TIMD4: variants seen among roughly 807,000 people sequenced by gnomAD.
TIMD4 encodes T-cell immunoglobulin and mucin domain-containing protein 4.
A neutral mutation model predicts 41.2 loss-of-function variants in TIMD4; 31 were observed. The ratio of observed to expected loss-of-function variants is 0.75; its 90% CI spans 0.57 to 1.01. The LOEUF (loss-of-function observed/expected upper bound fraction) is 1.01, where lower values mean the gene tolerates loss of function less well. TIMD4 is among the 50% of genes least tolerant of loss of function. TIMD4 has a pLI of 0.00. For missense variants in TIMD4, 479 were observed against 472.5 expected (o/e 1.01, Z -0.13); for synonymous variants, 204 against 177.1 (o/e 1.15, Z -1.21).
chr5:156,936,932 G>GAA (rs979433463), intron 5 of TIMD4, among the ~76,000 whole-genome samples: 45 of 92,604 alleles, frequency 4.9e-4, no homozygotes, highest in African/African-American at 1.3e-3. Context: ...ACTCCGTCTG[G>GAA]AAAAAAAAAA....
intron 2 of TIMD4, 64 bp downstream of exon 2, chr5:156,954,351 A>G: frequency 1.4e-6 from 2 of 1,470,006 alleles, no homozygotes; most frequent in Non-Finnish European, 1.9e-6. Context: ...CCATCCACTG[A>G]TCCCATTGTC....
intron 6 of TIMD4, 142 bp from the exon 7 acceptor site, chr5:156,922,358 C>A: frequency 1.3e-6 from 1 of 759,586 alleles, no homozygotes; most frequent in Non-Finnish European, 2.2e-6. Context: ...CTCTGAAAAC[C>A]CAAAACACGT....
intron 6 of TIMD4, among the ~76,000 whole-genome samples, chr5:156,923,704 A>T (rs1245890029): frequency 2.1e-5 from 3 of 142,454 alleles, no homozygotes; most frequent in African/African-American, 5.2e-5. Context: ...ATGCCTGGCT[A>T]TTTTTTTTTT....
rs139287852 is a variant in TIMD4 at position 156,954,628 on chromosome 5, C to T, written c.187G>A (p.Gly63Ser). ...CWGKDQCPYSGCKEALIRTDG... is the reference protein window; with the variant it reads ...CWGKDQCPYSSCKEALIRTDG... ...GTGCGGATGAGCGCCTCCTTGCAAC[C>T]GGAGTAGGGGCACTGGTCTTTCCCC... Residue 63 changes from glycine (G) to serine (S), a missense_variant, in exon 2 of 9, where the codon GGT becomes AGT. By Grantham distance (56) the Gly-to-Ser change is moderately conservative. Coordinates refer to ENST00000274532, the MANE Select transcript of TIMD4 (RefSeq NM_138379.3). 296 of 1,614,216 alleles carry T rather than the reference C, an allele frequency of 1.8e-4. 1 individual carries two copies. The East Asian group carries it at 6.4e-3, about 35-fold the overall frequency.
intron 5 of TIMD4, among the ~76,000 whole-genome samples, chr5:156,930,026 A>G (rs1759418189): frequency 6.6e-6 from 1 of 152,202 alleles, no homozygotes; most frequent in Non-Finnish European, 1.5e-5. Context: ...GCTGCAGTGC[A>G]GTGGCACGAT....
intron 6 of TIMD4, among the ~76,000 whole-genome samples, chr5:156,925,266 C>T (rs978689002): frequency 2.0e-5 from 3 of 152,192 alleles, no homozygotes; most frequent in Admixed American, 6.5e-5. Context: ...GTCAAGATTG[C>T]ACCACTGCAC....
rs1402165239 is a variant in TIMD4 at position 156,919,551 on chromosome 5, G to C, written c.1053-10C>G. Reference sequence around the variant, plus strand: ...TCCAATGTAGTCTAGCCTGTAAACAGAAAAGAGGGGCTCATAATGGGAAAC... The same window carrying C: ...TCCAATGTAGTCTAGCCTGTAAACACAAAAGAGGGGCTCATAATGGGAAAC... On this transcript the variant is annotated splice_polypyrimidine_tract_variant and intron_variant, in intron 8 of 8. Coordinates refer to ENST00000274532, the MANE Select transcript of TIMD4 (RefSeq NM_138379.3). The C allele has an allele frequency of 1.2e-6, 2 of 1,608,684 alleles. No individual in the cohort carries two copies. The highest frequency in any genetic ancestry group is 2.7e-5 in the African/African-American group (2 of 74,756).
chr5:156,927,499 A>G (rs1759369712), intron 5 of TIMD4, among the ~76,000 whole-genome samples: 1 of 152,230 alleles, frequency 6.6e-6, no homozygotes, highest in Non-Finnish European at 1.5e-5. Flanking sequence ...TCCTGATGGT[A>G]AGTCTCCATT....
intron 4 of TIMD4, among the ~76,000 whole-genome samples, chr5:156,949,386 C>T (rs1394698969): frequency 6.6e-6 from 1 of 151,672 alleles, no homozygotes; most frequent in Non-Finnish European, 1.5e-5. Flanking sequence ...GAGAATTGCA[C>T]CAATCAAGAA....
At chr5:156,955,433 G>C (rs147974290) in intron 1 of TIMD4, among the ~76,000 whole-genome samples, 10 of 152,178 alleles carry the variant, frequency 6.6e-5, no homozygotes, top group African/African-American at 1.9e-4. Flanking sequence ...GAGGCAGGCG[G>C]ATCACAAGGT....
chr5:156,944,782 G>T (rs1241394724), intron 5 of TIMD4, among the ~76,000 whole-genome samples: 1 of 151,952 alleles, frequency 6.6e-6, no homozygotes, highest in Admixed American at 6.6e-5. Flanking sequence ...TGGGATTACA[G>T]GCTTGAGCCA....
chr5:156,959,051 C>T (rs1177772243), intron 1 of TIMD4, among the ~76,000 whole-genome samples: 1 of 152,056 alleles, frequency 6.6e-6, no homozygotes, highest in East Asian at 1.9e-4. Flanking sequence ...GGATAGACAC[C>T]AAACTCATTG....
rs761092221 is a variant in TIMD4, at chr5:156,920,419, A to T, written c.1052+45T>A. 2.5e-6 allele frequency: 4 copies of T among 1,598,118 alleles called. No individual in the cohort carries two copies. The East Asian group carries it at 8.9e-5, about 36-fold the overall frequency. On this transcript the variant is annotated intron_variant, in intron 8 of 8. Coordinates refer to ENST00000274532, the MANE Select transcript of TIMD4 (RefSeq NM_138379.3). ...TGAGTAGTAGCTAATCATTTGTAAC[A>T]GCTTGTACAATCATTACAACACCCA... is the stretch of plus-strand genomic sequence containing the variant.
chr5:156,949,583 CTT>C (rs138993295), intron 4 of TIMD4, 66 bp downstream of exon 4: 4 of 1,343,060 alleles, frequency 3.0e-6, no homozygotes, highest in South Asian at 2.4e-5. Flanking sequence ...TTCAGCAAGA[CTT>C]TTAGTAATTT....
chr5:156,933,253 A>G (rs1759475762), intron 5 of TIMD4, among the ~76,000 whole-genome samples: 1 of 152,152 alleles, frequency 6.6e-6, no homozygotes, highest in Non-Finnish European at 1.5e-5. Context: ...GTGGTGACTC[A>G]TGCCTGTAAT....
intron 1 of TIMD4, among the ~76,000 whole-genome samples, chr5:156,959,026 G>C (rs2113398526): frequency 6.6e-6 from 1 of 152,288 alleles, no homozygotes; most frequent in South Asian, 2.1e-4. Flanking sequence ...TAAATGCACA[G>C]AAAAGTGTCT....
intron 5 of TIMD4, among the ~76,000 whole-genome samples, chr5:156,944,429 G>A (rs1561550298): frequency 6.8e-6 from 1 of 147,756 alleles, no homozygotes; most frequent in Non-Finnish European, 1.5e-5. Context: ...GGAGTCCTCA[G>A]ACACAGTTTA....
chr5:156,944,046 G>A (rs1343445065), intron 5 of TIMD4, among the ~76,000 whole-genome samples: 2 of 150,580 alleles, frequency 1.3e-5, no homozygotes, highest in Non-Finnish European at 3.0e-5. Context: ...GGTGACAGAG[G>A]TGAGACTCTG....
At chr5:156,952,968 C>G (rs1171935097) in intron 2 of TIMD4, among the ~76,000 whole-genome samples, 1 of 151,940 alleles carries the variant, frequency 6.6e-6, no homozygotes, top group Non-Finnish European at 1.5e-5. Context: ...ATACCAACAC[C>G]ACTCACCTCC....
Sources: gnomAD v4.1 joint callset for allele counts (sites outside exome capture counted in the v4.1 genomes callset) on GRCh38, gnomAD v4.1.1 for gene constraint, MANE v1.5 for transcripts, NCBI Gene and HGNC (gene_info 2026-07-23, HGNC 2026-07-21) for gene names.